The following NAP1L4 variants were observed in gnomAD, a reference collection of about 807,000 sequenced individuals.
NAP1L4 encodes nucleosome assembly protein 1 like 4, also known as nucleosome assembly protein 1-like 4.
Under a neutral mutation model 58.2 loss-of-function variants are expected in NAP1L4, and 15 were observed. That is an observed-to-expected ratio of 0.26 (90% CI 0.17 to 0.40). The LOEUF (loss-of-function observed/expected upper bound fraction) is 0.40, where lower values mean the gene tolerates loss of function less well. Among genes scored for constraint, NAP1L4 ranks in the 10% least tolerant of loss-of-function variants. NAP1L4 has a pLI of 1.00. For synonymous variants in NAP1L4, 171 were observed against 155.6 expected (o/e 1.10, Z -0.74); for missense variants, 384 against 451.1 (o/e 0.85, Z 1.35).
At position 2,978,305 on chromosome 11, in the gene NAP1L4, C is replaced by G. The variant is rs186037685; in HGVS notation, c.52G>C (p.Ala18Pro). The G allele has an allele frequency of 6.2e-7, 1 of 1,613,956 alleles. No homozygotes were observed. The highest frequency in any genetic ancestry group is 1.7e-5 in the Admixed American group (1 of 60,018). The stretch of plus-strand genomic sequence containing the variant: ...TGACCTGTGTTACTTGCATTTTTAG[C>G]AGCTTCCACGGAATCTGAAGGAACC... ...DGVPSDSVEA[A>P]KNASNTEKLT... is the part of the protein sequence containing the mutation. The change falls in exon 3 of 16, where the codon GCT (alanine) becomes CCT (proline). Residue 18 changes from alanine (A) to proline (P), a missense_variant. By Grantham distance (27) the Ala-to-Pro change is conservative. Transcript: ENST00000380542.
intron 3 of NAP1L4, among the ~76,000 whole-genome samples, chr11:2,977,487 G>A (rs553251812): frequency 6.6e-6 from 1 of 152,208 alleles, no homozygotes; most frequent in African/African-American, 2.4e-5. Context: ...CAGTGGCCCA[G>A]AGCGCTGATA....
At chr11:2,956,004 GC>G (rs143457455) in intron 10 of NAP1L4, among the ~76,000 whole-genome samples, 21,279 of 152,092 alleles carry the variant, frequency 0.14, 1,558 homozygotes, top group Middle Eastern at 0.17. Flanking sequence ...TCCATCATGT[GC>G]CATGGGCTGG....
intron 1 of NAP1L4, chr11:2,983,649 A>G (rs1848457042): frequency 6.6e-6 from 1 of 152,186 alleles, no homozygotes; most frequent in African/African-American, 2.4e-5. Flanking sequence ...TTACACAATA[A>G]AAAAGAAAAT....
chr11:2,951,196 C>A lies in NAP1L4; in HGVS notation c.1122+63G>T, dbSNP rs1846205753. 3.0e-6 allele frequency: 4 copies of A among 1,328,284 alleles called. No homozygotes were observed. In the East Asian group the frequency reaches 7.0e-5, roughly 23 times the overall value. The allele number at this position is 1,328,284 out of a possible 1,614,324, so 82.3% of individuals were successfully genotyped here. A position where few individuals can be genotyped will look rare whatever the true frequency, so the allele number is the denominator to read the frequency against. Reference sequence around the variant, plus strand: ...AACACTACTGCCTCAAAGTGGGGAACATTTTTAAAAGTCTAAGAGTGCAGC... The same window carrying A: ...AACACTACTGCCTCAAAGTGGGGAAAATTTTTAAAAGTCTAAGAGTGCAGC... On this transcript the variant is annotated intron_variant, in intron 14 of 15. Transcript: ENST00000380542. This position sits in a 1 kb window ranked among gnomAD's most constrained non-coding sequence, Gnocchi z 4.0.
chr11:2,982,489 C>T (rs1011757704), intron 1 of NAP1L4, among the ~76,000 whole-genome samples: 1 of 152,214 alleles, frequency 6.6e-6, no homozygotes, highest in Non-Finnish European at 1.5e-5. Flanking sequence ...ACCTCCTATA[C>T]TAGCAAGGGA....
intron 8 of NAP1L4, chr11:2,963,622 G>A (rs1222674267): frequency 2.0e-5 from 9 of 441,822 alleles, no homozygotes; most frequent in African/African-American, 1.8e-4. Flanking sequence ...AGCACTTGCA[G>A]TGAAGAAATC....
In NAP1L4 at chr11:2,972,141, T is replaced by C. The variant is rs762192952; in HGVS notation, c.276A>G (p.Glu92=). The stretch of plus-strand genomic sequence containing the variant: ...GCTGGTATAGCGCTGCATACTTTCT[T>C]TCCAAGTCATGTACCTCTTCATAGA... ...AKFYEEVHDL[E]RKYAALYQPL... The change falls in exon 5 of 16, where the codon GAA becomes GAG. Residue 92 remains glutamate, a synonymous_variant. Transcript: ENST00000380542. 2.5e-6 allele frequency: 4 copies of C among 1,602,002 alleles called. No homozygotes were observed. In the East Asian group the frequency reaches 9.0e-5, roughly 36 times the overall value.
intron 7 of NAP1L4, among the ~76,000 whole-genome samples, chr11:2,966,813 G>T (rs928953714): frequency 6.6e-6 from 1 of 152,080 alleles, no homozygotes; most frequent in South Asian, 2.1e-4. Flanking sequence ...ACTCAAAGAC[G>T]CAGTGCCCAC....
chr11:2,945,550 C>T lies in NAP1L4; in HGVS notation c.*129G>A, dbSNP rs925819951. The T allele has an allele frequency of 1.5e-5, 22 of 1,474,702 alleles. No individual in the cohort carries two copies. The Admixed American group carries it at 1.8e-4, about 12-fold the overall frequency. The allele number at this position is 1,474,702 out of a possible 1,614,324, so 91.4% of individuals were successfully genotyped here. On this transcript the variant is annotated 3_prime_UTR_variant, in exon 16 of 16. Coordinates refer to ENST00000380542, the MANE Select transcript of NAP1L4 (RefSeq NM_005969.4). ...GATTGTGCTGCGGCAAGGACCGAGG[C>T]CCCGCCCACAGGCCTGGAGTCCCGA...
intron 8 of NAP1L4, among the ~76,000 whole-genome samples, chr11:2,962,249 C>A (rs1846968872): frequency 6.6e-6 from 1 of 152,244 alleles, no homozygotes; most frequent in African/African-American, 2.4e-5. Flanking sequence ...CAACAATTTA[C>A]AATGGGGGAG....
rs567998604 is a variant in NAP1L4, at chr11:2,960,066, G to A, written c.607-157C>T. On this transcript the variant is annotated intron_variant, in intron 8 of 15. Transcript: ENST00000380542. The stretch of plus-strand genomic sequence containing the variant: ...CTTCTCCACCGCAAAAAAGACTAGC[G>A]TGAGGTTAAAAAAACCAACGATGGA... The A allele has an allele frequency of 4.1e-5, 30 of 736,992 alleles. 1 individual carries two copies. Among genetic ancestry groups the A allele is most frequent in the Middle Eastern group, 4.0e-4 (1 of 2,524 alleles). The allele number at this position is 736,992 out of a possible 1,614,324, so 45.7% of individuals were successfully genotyped here. A position where few individuals can be genotyped will look rare whatever the true frequency, so the allele number is the denominator to read the frequency against.
intron 3 of NAP1L4, among the ~76,000 whole-genome samples, chr11:2,977,194 C>A (rs114759525): frequency 0.011 from 1,620 of 152,244 alleles, 31 homozygotes; most frequent in African/African-American, 0.036. Context: ...GGTGCTAAAA[C>A]CTCCGTGTGA....
Position 2,945,312 on chromosome 11 carries a change from G to GTGGT in NAP1L4, c.*363_*366dup. 1 of 325,754 alleles carries GTGGT rather than the reference G, an allele frequency of 3.1e-6. No homozygotes were observed. Among genetic ancestry groups the GTGGT allele is most frequent in the South Asian group, 1.1e-4 (1 of 9,358 alleles). 20.2% of individuals were successfully genotyped at this position (325,754 alleles called of 1,614,324 possible). On this transcript the variant is annotated 3_prime_UTR_variant, in exon 16 of 16. Coordinates refer to ENST00000380542, the MANE Select transcript of NAP1L4 (RefSeq NM_005969.4). ...CAAGTGACCCCCACCCCACCCTGAT[G>GTGGT]TGGTCTACAGGGCCCTCCCACAGGG...
At chr11:2,945,724 C>A in intron 15 of NAP1L4, 78 bp from the exon 16 acceptor site, 1 of 1,219,014 alleles carries the variant, frequency 8.2e-7, no homozygotes, top group South Asian at 1.4e-5. Flanking sequence ...ACAATGAAAG[C>A]CAAGACTGAA....
chr11:2,945,257 A>G lies in NAP1L4; in HGVS notation c.*422T>C, dbSNP rs571178783. 2.2e-5 allele frequency: 5 copies of G among 225,724 alleles called. No individual in the cohort carries two copies. In the South Asian group the frequency reaches 8.1e-4, roughly 36 times the overall value. 14.0% of individuals were successfully genotyped at this position (225,724 alleles called of 1,614,324 possible). A position where few individuals can be genotyped will look rare whatever the true frequency, so the allele number is the denominator to read the frequency against. On this transcript the variant is annotated 3_prime_UTR_variant, in exon 16 of 16. Coordinates refer to ENST00000380542, the MANE Select transcript of NAP1L4 (RefSeq NM_005969.4). ...GTGGGAGAGGTTCCAGATCCTGGGA[A>G]CCACATCACCAGACCTCGGCCCTTT...
intron 4 of NAP1L4, among the ~76,000 whole-genome samples, chr11:2,975,466 C>T (rs899333146): frequency 1.3e-5 from 2 of 152,046 alleles, no homozygotes; most frequent in African/African-American, 4.8e-5. Context: ...GGCACGGTAG[C>T]TCACCCGTTA....
chr11:2,957,894 G>T (rs1846637499), intron 10 of NAP1L4, among the ~76,000 whole-genome samples: 1 of 152,142 alleles, frequency 6.6e-6, no homozygotes, highest in Admixed American at 6.5e-5. Context: ...AGAAAAGGGG[G>T]ACTAAGCAGA....
chr11:2,982,627 T>C (rs1848394052), intron 1 of NAP1L4, among the ~76,000 whole-genome samples: 2 of 152,224 alleles, frequency 1.3e-5, no homozygotes, highest in Admixed American at 1.3e-4. Flanking sequence ...GTCACACGGC[T>C]AGTAAAACAT....
Position 2,979,249 on chromosome 11 carries a change from A to G in NAP1L4, c.-17-12T>C. 6.3e-7 allele frequency: 1 copy of G among 1,596,354 alleles called. No individual in the cohort carries two copies. On this transcript the variant is annotated splice_polypyrimidine_tract_variant and intron_variant, in intron 1 of 15. Coordinates refer to ENST00000380542, the MANE Select transcript of NAP1L4 (RefSeq NM_005969.4). ...AATGTTTTTATCCCCTATAAATTAA[A>G]AAGAGTTGTAATAATTATATTCATA...
Sources: allele counts gnomAD v4.1 joint callset (sites outside exome capture counted in the v4.1 genomes callset), GRCh38; gene constraint gnomAD v4.1.1; non-coding constraint Gnocchi (gnomAD v3.1); transcripts MANE v1.5; gene names NCBI Gene and HGNC (gene_info 2026-07-23, HGNC 2026-07-21).